The following SLC14A2 variants were observed in gnomAD, a reference collection of about 807,000 sequenced individuals.
The protein encoded by SLC14A2 is solute carrier family 14 member 2.
A neutral mutation model predicts 104.6 loss-of-function variants in SLC14A2; 91 were observed. The ratio of observed to expected loss-of-function variants is 0.87; its 90% confidence interval spans 0.73 to 1.04. The LOEUF (loss-of-function observed/expected upper bound fraction) is 1.04. SLC14A2 is among the 50% of genes least tolerant of loss of function. The pLI is 0.00. For synonymous variants in SLC14A2, 476 were observed against 466.4 expected (o/e 1.02, Z -0.27); for missense variants, 1,189 against 1,156.0 (o/e 1.03, Z -0.41).
intron 2 of SLC14A2, among the ~76,000 whole-genome samples, chr18:45,499,203 C>T (rs756094294): frequency 3.9e-4 from 60 of 152,342 alleles, no homozygotes; most frequent in Non-Finnish European, 7.8e-4. Flanking sequence ...ATGTTAGAGT[C>T]TCCCCAAAAT....
chr18:45,457,475 A>G (rs954502872), intron 1 of SLC14A2, among the ~76,000 whole-genome samples: 2 of 152,190 alleles, frequency 1.3e-5, no homozygotes, highest in African/African-American at 4.8e-5. Context: ...CAGTGTTGGT[A>G]GCTCATAGCT....
Position 45,639,908 on chromosome 18 carries a change from C to CCT in SLC14A2, c.991+20_991+21dup, listed in dbSNP as rs1389833608. The CCT allele has an allele frequency of 2.5e-6, 4 of 1,610,436 alleles. No homozygotes were observed. Among genetic ancestry groups the CCT allele is most frequent in the Admixed American group, 1.7e-5 (1 of 59,790 alleles). On this transcript the variant is annotated intron_variant, in intron 7 of 19. Coordinates refer to ENST00000255226, the MANE Select transcript of SLC14A2 (RefSeq NM_007163.4). ...GCTGCTAGCAGGTAGGACAGAGCTC[C>CCT]CTCTCTTCAGGTCCTCAGGATAATT...
At chr18:45,259,014 C>G (rs2084508284) in intron 1 of SLC14A2, among the ~76,000 whole-genome samples, 1 of 152,250 alleles carries the variant, frequency 6.6e-6, no homozygotes, top group African/African-American at 2.4e-5. Flanking sequence ...TATGCTGACA[C>G]TGGCACACTC....
chr18:45,224,891 T>C (rs1181137116), intron 1 of SLC14A2, among the ~76,000 whole-genome samples: 1 of 152,110 alleles, frequency 6.6e-6, no homozygotes, highest in Non-Finnish European at 1.5e-5. Context: ...CAGTTAAGAA[T>C]AGTTTTGTCA....
At chr18:45,603,324 A>G (rs2044818616) in intron 2 of SLC14A2, among the ~76,000 whole-genome samples, 2 of 152,102 alleles carry the variant, frequency 1.3e-5, no homozygotes, top group Admixed American at 1.3e-4. Flanking sequence ...TCCATAATTG[A>G]TAAGAACATG....
At chr18:45,270,934 G>T (rs908434026) in intron 1 of SLC14A2, among the ~76,000 whole-genome samples, 2 of 152,130 alleles carry the variant, frequency 1.3e-5, no homozygotes, top group African/African-American at 4.8e-5. Context: ...AAGCCTGAAA[G>T]AAAGCCTTGT....
intron 2 of SLC14A2, among the ~76,000 whole-genome samples, chr18:45,498,183 A>C (rs2043133282): frequency 6.6e-6 from 1 of 152,262 alleles, no homozygotes; most frequent in Non-Finnish European, 1.5e-5. Flanking sequence ...ATATCTGTAC[A>C]TTGTGTAGTG....
In SLC14A2 at chr18:45,258,249, C is replaced by G. The variant is rs953396342; in HGVS notation, c.-125+45058C>G. ...ACGCTCACACTGGGCTCCCATCCCT[C>G]CTTTCTGTGATGGGAGGTTGACAAT... On this transcript the variant is annotated intron_variant, in intron 1 of 20. Transcript: ENST00000586448. 1.0e-4 allele frequency among the ~76,000 whole-genome samples: 12 copies of G among 114,984 alleles called. 1 individual carries two copies. The highest frequency in any genetic ancestry group is 1.8e-5 in the Non-Finnish European group (1 of 54,098). The allele number at this position is 114,984 out of a possible 152,430, so 75.4% of individuals were successfully genotyped here. A position where few individuals can be genotyped will look rare whatever the true frequency, so the allele number is the denominator to read the frequency against.
intron 2 of SLC14A2, among the ~76,000 whole-genome samples, chr18:45,610,416 C>T (rs1037310385): frequency 1.3e-5 from 2 of 152,074 alleles, no homozygotes; most frequent in African/African-American, 4.8e-5. Context: ...GCCCGGGTTA[C>T]ACCAATTAAG....
intron 2 of SLC14A2, among the ~76,000 whole-genome samples, chr18:45,531,958 A>C (rs1313451083): frequency 2.6e-5 from 4 of 152,174 alleles, no homozygotes. Flanking sequence ...TAAATAGGGA[A>C]TCCTTTCCCC....
chr18:45,324,322 A>G (rs2085213524), intron 1 of SLC14A2, among the ~76,000 whole-genome samples: 1 of 152,164 alleles, frequency 6.6e-6, no homozygotes, highest in Non-Finnish European at 1.5e-5. Flanking sequence ...CTTTGATCCA[A>G]GTTTCTTCAA....
intron 1 of SLC14A2, among the ~76,000 whole-genome samples, chr18:45,280,026 A>G (rs569099539): frequency 6.6e-6 from 1 of 152,148 alleles, no homozygotes; most frequent in Non-Finnish European, 1.5e-5. Context: ...ATATCTCTAC[A>G]CATTGCCAAA....
At chr18:45,663,636 T>C (rs1405257641) in intron 10 of SLC14A2, 149 bp from the exon 11 acceptor site, 12 of 792,252 alleles carry the variant, frequency 1.5e-5, no homozygotes, top group Non-Finnish European at 2.0e-5. Flanking sequence ...AAGTGTTTTA[T>C]GCAGAGACTG....
chr18:45,473,915 T>C (rs1598876660), intron 1 of SLC14A2, among the ~76,000 whole-genome samples: 1 of 152,208 alleles, frequency 6.6e-6, no homozygotes, highest in Non-Finnish European at 1.5e-5. Context: ...CAATACTATG[T>C]TGAATAGGAG....
rs182955969 is a variant in SLC14A2 at position 45,265,091 on chromosome 18, A to G, written c.-125+51900A>G. On this transcript the variant is annotated intron_variant, in intron 1 of 20. Coordinates refer to the SLC14A2 transcript ENST00000586448. ...GCACCTATACATTCACTCAGTTATC[A>G]CTGGTCCACTCACCCATTAAAAATC... Among the ~76,000 whole-genome samples the G allele has an allele frequency of 6.6e-5, 10 of 152,248 alleles. 1 individual carries two copies. The East Asian group carries it at 1.7e-3, about 26-fold the overall frequency.
chr18:45,221,067 A>C (rs1193462734), intron 1 of SLC14A2, among the ~76,000 whole-genome samples: 1 of 152,220 alleles, frequency 6.6e-6, no homozygotes, highest in African/African-American at 2.4e-5. Flanking sequence ...CTCCAACTAC[A>C]GTCACATTCT....
the SLC14A2 span, among the ~76,000 whole-genome samples, chr18:45,172,339 A>G: frequency 1.8e-4 from 28 of 152,280 alleles, no homozygotes; most frequent in East Asian, 5.2e-3. Flanking sequence ...AGCATCATTA[A>G]TACCATAAAA....
Position 45,285,030 on chromosome 18 carries a change from C to CAA in SLC14A2, c.-125+71850_-125+71851dup, listed in dbSNP as rs35889367. 6.4e-3 allele frequency among the ~76,000 whole-genome samples: 918 copies of CAA among 143,352 alleles called. 7 individuals are homozygous for CAA. The highest frequency in any genetic ancestry group is 0.021 in the African/African-American group (827 of 40,094). 94.0% of individuals were successfully genotyped at this position (143,352 alleles called of 152,430 possible). On this transcript the variant is annotated intron_variant, in intron 1 of 20. Transcript: ENST00000586448. ...TAATTTGGGGCATCCCAGGTTTGCA[C>CAA]AAAAAAAAAAAATTGCAAAATTAGT...
At chr18:45,213,851 A>G (rs1389810006) in intron 1 of SLC14A2, among the ~76,000 whole-genome samples, 3 of 152,180 alleles carry the variant, frequency 2.0e-5, no homozygotes, top group East Asian at 1.9e-4. Flanking sequence ...TCGCTTTCCC[A>G]TCATCTGCCC....
Sources: allele counts gnomAD v4.1 joint callset (sites outside exome capture counted in the v4.1 genomes callset), GRCh38; gene constraint gnomAD v4.1.1; transcripts MANE v1.5; gene names NCBI Gene and HGNC (gene_info 2026-07-23, HGNC 2026-07-21).